The following TFEC variants were observed in gnomAD, a reference collection of about 807,000 sequenced individuals.
TFEC encodes the protein class E basic helix-loop-helix protein 34.
In TFEC, 31 loss-of-function variants were observed where a neutral mutation model predicts 41.6. That is an observed-to-expected ratio of 0.74 (90% CI 0.56 to 1.01). TFEC has a LOEUF of 1.01. TFEC is among the 50% of genes least tolerant of loss of function. TFEC has a pLI of 0.00. For missense variants in TFEC, 402 were observed against 404.1 expected (o/e 0.99, Z 0.04); for synonymous variants, 143 against 140.6 (o/e 1.02, Z -0.12).
At chr7:116,039,845 G>A (rs1267940299) in intron 3 of TFEC, among the ~76,000 whole-genome samples, 1 of 151,856 alleles carries the variant, frequency 6.6e-6, no homozygotes, top group Non-Finnish European at 1.5e-5. Context: ...CAATACAAAA[G>A]AATCATCAAT....
chr7:116,086,268 C>A (rs532096258), intron 3 of TFEC, among the ~76,000 whole-genome samples: 5 of 151,928 alleles, frequency 3.3e-5, no homozygotes, highest in Admixed American at 2.6e-4. Context: ...CTTCCCACAC[C>A]CAGTTTGTCA....
intron 2 of TFEC, among the ~76,000 whole-genome samples, chr7:115,983,770 A>C (rs1346782677): frequency 1.3e-5 from 2 of 152,192 alleles, no homozygotes; most frequent in East Asian, 3.8e-4. Flanking sequence ...TATTAAAAAT[A>C]GAATTGAATG....
At chr7:116,033,211 T>C (rs1795830127), upstream of TFEC, among the ~76,000 whole-genome samples, 1 of 152,102 alleles carries the variant, frequency 6.6e-6, no homozygotes, top group African/African-American at 2.4e-5. Context: ...GGCCATTCTA[T>C]GCCTGAAATT....
At chr7:116,155,797 A>T (rs1460739463) in intron 1 of TFEC, among the ~76,000 whole-genome samples, 1 of 152,026 alleles carries the variant, frequency 6.6e-6, no homozygotes, top group African/African-American at 2.4e-5. Flanking sequence ...GGGGCTGCCT[A>T]ATTATTAAGA....
chr7:116,053,399 G>T (rs182068018), intron 3 of TFEC, among the ~76,000 whole-genome samples: 74 of 152,326 alleles, frequency 4.9e-4, no homozygotes, highest in Non-Finnish European at 8.7e-4. Flanking sequence ...GGACATTTTT[G>T]AGGATAATAA....
rs747363676 is a variant in TFEC at position 115,954,569 on chromosome 7, G to GA, written c.439+16dup. 3.1e-6 allele frequency: 5 copies of GA among 1,601,790 alleles called. No individual in the cohort carries two copies. Among genetic ancestry groups the GA allele is most frequent in the Non-Finnish European group, 3.4e-6 (4 of 1,172,750 alleles). On this transcript the variant is annotated intron_variant, in intron 5 of 7. Transcript: ENST00000265440. The stretch of plus-strand genomic sequence containing the variant: ...TTTCCTTTTGCATTAATTTTATATG[G>GA]AAAAATATATACTCACTGAGGTTGT...
At chr7:115,989,759 C>T (rs913964928) in intron 1 of TFEC, among the ~76,000 whole-genome samples, 2 of 152,164 alleles carry the variant, frequency 1.3e-5, no homozygotes, top group African/African-American at 2.4e-5. Context: ...CACCACAGCT[C>T]AAGGAGGCCT....
chr7:116,100,509 G>C (rs1797579567), intron 3 of TFEC, among the ~76,000 whole-genome samples: 1 of 151,952 alleles, frequency 6.6e-6, no homozygotes, highest in African/African-American at 2.4e-5. Context: ...TTACCAGCTG[G>C]GGTCAGGAAG....
intron 1 of TFEC, among the ~76,000 whole-genome samples, chr7:115,990,136 A>T (rs150698520): frequency 0.012 from 1,829 of 152,318 alleles, 35 homozygotes; most frequent in African/African-American, 0.041. Context: ...GACCTCCAGC[A>T]AACTCCAACA....
intron 1 of TFEC, among the ~76,000 whole-genome samples, chr7:116,121,113 C>T (rs115798671): frequency 0.014 from 2,070 of 151,934 alleles, 45 homozygotes; most frequent in African/African-American, 0.048. Context: ...ATAGCAGGAT[C>T]ATTCATAAGA....
At chr7:116,123,511 G>A (rs1208419707) in intron 1 of TFEC, among the ~76,000 whole-genome samples, 2 of 151,760 alleles carry the variant, frequency 1.3e-5, no homozygotes, top group Non-Finnish European at 2.9e-5. Context: ...TTTTTGTCAT[G>A]CCACTTCCCT....
chr7:116,103,315 G>A (rs983888677), intron 3 of TFEC, among the ~76,000 whole-genome samples: 12 of 152,174 alleles, frequency 7.9e-5, no homozygotes, highest in African/African-American at 2.9e-4. Context: ...TCTCTGGTAA[G>A]TGTAGTAGAA....
At chr7:116,009,335 A>G (rs952539428) in intron 1 of TFEC, among the ~76,000 whole-genome samples, 1 of 152,190 alleles carries the variant, frequency 6.6e-6, no homozygotes, top group Non-Finnish European at 1.5e-5. Context: ...AGCCATGCAC[A>G]TACTAAAGTC....
intron 1 of TFEC, among the ~76,000 whole-genome samples, chr7:116,148,560 A>G (rs1406111547): frequency 6.6e-6 from 1 of 152,186 alleles, no homozygotes; most frequent in Non-Finnish European, 1.5e-5. Context: ...ATAAAATGAC[A>G]AGATTTCCTA....
At chr7:116,070,000 A>G (rs969235360) in intron 3 of TFEC, among the ~76,000 whole-genome samples, 1 of 151,510 alleles carries the variant, frequency 6.6e-6, no homozygotes, top group Non-Finnish European at 1.5e-5. Context: ...AACAATGTTA[A>G]ATAATTTGTA....
rs1584536219 is a variant in TFEC, at chr7:116,115,825, C to T, written c.-68-3787G>A. Among the ~76,000 whole-genome samples, 3 of 152,098 alleles carry T rather than the reference C, an allele frequency of 2.0e-5. No individual in the cohort carries two copies. The East Asian group carries it at 5.8e-4, about 29-fold the overall frequency. On this transcript the variant is annotated intron_variant, in intron 1 of 8. Transcript: ENST00000484212. ...TAAACCAGCTTGCTTGCTTCACAGACACTTAGAGTGCTTTTTATATGCCGG... is the reference window on the plus strand; with the variant it reads ...TAAACCAGCTTGCTTGCTTCACAGATACTTAGAGTGCTTTTTATATGCCGG...
At position 115,940,931 on chromosome 7, in the gene TFEC, C is replaced by T. The variant is rs751737269; in HGVS notation, c.664G>A (p.Glu222Lys). ...TGAGTACGAGCCTGAATTTCTAGTTCCTGTAATTTCAAACGAAAATCATTA... is the reference window on the plus strand; with the variant it reads ...TGAGTACGAGCCTGAATTTCTAGTTTCTGTAATTTCAAACGAAAATCATTA... ...ANRRLLLRIQ[E>K]LEIQARTHGL... Residue 222 changes from glutamate to lysine, a missense_variant and splice_region_variant, in exon 8 of 8, where the codon GAA (glutamate) becomes AAA (lysine). Glu to Lys is a moderately conservative substitution (Grantham distance 56, BLOSUM62 1). Coordinates refer to ENST00000265440, the MANE Select transcript of TFEC (RefSeq NM_012252.4). The T allele has an allele frequency of 6.4e-7, 1 of 1,555,870 alleles. No individual in the cohort carries two copies. Among genetic ancestry groups the T allele is most frequent in the South Asian group, 1.2e-5 (1 of 83,838 alleles).
intron 3 of TFEC, 42 bp downstream of exon 3, chr7:115,974,128 C>A (rs1014792064): frequency 2.0e-6 from 3 of 1,482,318 alleles, no homozygotes; most frequent in African/African-American, 2.9e-5. Flanking sequence ...AGAGTGTATT[C>A]ATTTCTGTTT....
chr7:115,946,933 T>C (rs1562879524), intron 6 of TFEC, among the ~76,000 whole-genome samples: 1 of 151,378 alleles, frequency 6.6e-6, no homozygotes, highest in Non-Finnish European at 1.5e-5. Context: ...AATTTATTAT[T>C]ATTATACTTT....
Sources: allele counts gnomAD v4.1 joint callset (sites outside exome capture counted in the v4.1 genomes callset), GRCh38; gene constraint gnomAD v4.1.1; transcripts MANE v1.5; gene names NCBI Gene and HGNC (gene_info 2026-07-23, HGNC 2026-07-21).